Variants in PODXL observed in about 807,000 individuals in gnomAD.
The protein encoded by PODXL is podocalyxin like.
Under a neutral mutation model 48.9 loss-of-function variants are expected in PODXL, and 20 were observed. The observed-to-expected ratio is 0.41, with a 90% confidence interval of 0.29 to 0.59. The LOEUF (loss-of-function observed/expected upper bound fraction) is 0.59. PODXL is among the 20% of genes least tolerant of loss of function. The probability of loss-of-function intolerance (pLI) is 0.31; values close to 1 mark genes in which losing one functional copy is unlikely to be tolerated. For missense variants in PODXL, 606 were observed against 675.1 expected, an observed-to-expected ratio of 0.90 and a Z score of 1.13; for synonymous variants, 295 against 287.4, an observed-to-expected ratio of 1.03 and a Z score of -0.27.
intron 1 of PODXL, among the ~76,000 whole-genome samples, chr7:131,547,016 G>A (rs144253095): frequency 3.3e-4 from 50 of 152,330 alleles, no homozygotes; most frequent in Non-Finnish European, 4.4e-4. Flanking sequence ...CTAGCATGGC[G>A]TTGGGGGTGG....
chr7:131,546,702 G>T lies in PODXL; in HGVS notation c.100+9558C>A, dbSNP rs532375369. Among the ~76,000 whole-genome samples, 4 of 146,732 alleles carry T rather than the reference G, an allele frequency of 2.7e-5. No individual in the cohort carries two copies. The East Asian group carries it at 6.0e-4, about 22-fold the overall frequency. ...GATCGTGCCACTGCACTCCAGCCTG[G>T]GCAACACAGTGAGGCCCTGTCTCAA... On this transcript the variant is annotated intron_variant, in intron 1 of 8. Coordinates refer to ENST00000378555, the MANE Select transcript of PODXL (RefSeq NM_001018111.3).
chr7:131,524,517 G>T (rs746062662), intron 1 of PODXL, among the ~76,000 whole-genome samples: 9 of 152,066 alleles, frequency 5.9e-5, no homozygotes, highest in Non-Finnish European at 1.3e-4. Context: ...CATATGAAAA[G>T]ATGCTCCTCA....
In PODXL at chr7:131,504,167, A is replaced by C; in HGVS notation, c.*144T>G. On this transcript the variant is annotated 3_prime_UTR_variant, in exon 9 of 9. Transcript: ENST00000378555. ...TGATTTGTTCAGGTTGAAAAGGGAA[A>C]AATTAAGGCCCTGGGGGGATTGGGA... 1.5e-6 allele frequency: 1 copy of C among 646,194 alleles called. No homozygotes were observed. Among genetic ancestry groups the C allele is most frequent in the Non-Finnish European group, 2.7e-6 (1 of 374,390 alleles). The allele number at this position is 646,194 out of a possible 1,614,324, so 40.0% of individuals were successfully genotyped here.
intron 1 of PODXL, among the ~76,000 whole-genome samples, chr7:131,546,026 C>T (rs958120853): frequency 3.9e-5 from 6 of 152,244 alleles, no homozygotes; most frequent in South Asian, 2.1e-4. Flanking sequence ...TCCCACTTTT[C>T]GGCCTTGTGA....
chr7:131,506,385 T>G, intron 6 of PODXL, 64 bp from the exon 7 acceptor site: 1 of 1,556,678 alleles, frequency 6.4e-7, no homozygotes, highest in Non-Finnish European at 8.9e-7. Context: ...GGACGGGGAC[T>G]GCGCCCCAAG....
chr7:131,531,532 G>A (rs1188274349), intron 1 of PODXL, among the ~76,000 whole-genome samples: 2 of 152,036 alleles, frequency 1.3e-5, no homozygotes, highest in Non-Finnish European at 2.9e-5. Context: ...GTTTACCTAC[G>A]ACCGCCATAA....
intron 1 of PODXL, among the ~76,000 whole-genome samples, chr7:131,542,039 T>C (rs1447374478): frequency 6.6e-6 from 1 of 152,194 alleles, no homozygotes; most frequent in Non-Finnish European, 1.5e-5. Flanking sequence ...TGCGCACAGC[T>C]GTGAACTCAC....
chr7:131,550,637 G>A (rs1559022), intron 1 of PODXL, among the ~76,000 whole-genome samples: 129,204 of 150,980 alleles, frequency 0.86, 55,608 homozygotes, highest in Non-Finnish European at 0.89. Flanking sequence ...TTCCATCTCA[G>A]AACAAAAAGA....
rs112877944 is a variant in PODXL at position 131,510,772 on chromosome 7, T to C, written c.706+56A>G. On this transcript the variant is annotated intron_variant, in intron 2 of 8. Coordinates refer to ENST00000378555, the MANE Select transcript of PODXL (RefSeq NM_001018111.3). ...CAAGGCATGAGCCTTTTCAGAGCCA[T>C]CACGCCTGGCCCTGAAAAGTTTCTT... 111,992 of 1,603,176 alleles carry C rather than the reference T, an allele frequency of 0.07. 4,438 individuals are homozygous for C. The highest frequency in any genetic ancestry group is 0.077 in the Non-Finnish European group (90,743 of 1,171,198).
intron 1 of PODXL, among the ~76,000 whole-genome samples, chr7:131,516,193 T>C (rs981285069): frequency 2.6e-5 from 4 of 152,192 alleles, no homozygotes; most frequent in African/African-American, 9.7e-5. Context: ...AATGGAAACC[T>C]ACATTAAATA....
chr7:131,550,693 A>G (rs1387023729), intron 1 of PODXL, among the ~76,000 whole-genome samples: 5 of 152,180 alleles, frequency 3.3e-5, no homozygotes, highest in Non-Finnish European at 5.9e-5. Flanking sequence ...AGTTTTTCCA[A>G]TTCCCAGGAG....
At chr7:131,506,162 A>G (rs1236435845) in intron 7 of PODXL, 98 bp downstream of exon 7, 1 of 1,545,700 alleles carries the variant, frequency 6.5e-7, no homozygotes, top group Non-Finnish European at 8.9e-7. Context: ...ACATGCAGGC[A>G]CATGACGGGG....
Position 131,511,335 on chromosome 7 carries a change from G to T in PODXL, c.199C>A (p.Pro67Thr). The T allele has an allele frequency of 1.2e-6, 2 of 1,612,926 alleles. No individual in the cohort carries two copies. ...AAGATTTCGTTGGCCTTGGAAGTGG[G>T]GACTGTGCTCTGCTGGGCTGTATCT... is the stretch of plus-strand genomic sequence containing the variant. ...ATDTAQQSTV[P>T]TSKANEILAS... Residue 67 changes from proline (P) to threonine (T), a missense_variant, in exon 2 of 9, where the codon CCC (proline) becomes ACC (threonine). Pro to Thr is a conservative substitution (Grantham distance 38). Coordinates refer to ENST00000378555, the MANE Select transcript of PODXL (RefSeq NM_001018111.3).
At chr7:131,523,319 GC>G in intron 1 of PODXL, among the ~76,000 whole-genome samples, 1 of 152,212 alleles carries the variant, frequency 6.6e-6, no homozygotes, top group African/African-American at 2.4e-5. Flanking sequence ...ACCAAGTGAG[GC>G]TCATCATGGA....
intron 1 of PODXL, among the ~76,000 whole-genome samples, chr7:131,524,379 CAGAG>C (rs58163575): frequency 0.051 from 5,285 of 103,994 alleles, 257 homozygotes; most frequent in African/African-American, 0.12. Context: ...CACACACACA[CAGAG>C]AGAGAGAGAG....
intron 1 of PODXL, among the ~76,000 whole-genome samples, chr7:131,517,523 G>T (rs975883175): frequency 6.6e-6 from 1 of 152,226 alleles, no homozygotes; most frequent in East Asian, 1.9e-4. Flanking sequence ...CCATGGCTGC[G>T]TTAACAAATG....
chr7:131,507,963 T>G (rs1159807116), intron 5 of PODXL, among the ~76,000 whole-genome samples: 2 of 152,184 alleles, frequency 1.3e-5, no homozygotes, highest in Non-Finnish European at 2.9e-5. Context: ...AAATTCTCCA[T>G]CCTATCTATA....
chr7:131,556,464 G>A lies in PODXL; in HGVS notation c.-105C>T. 8.0e-7 allele frequency: 1 copy of A among 1,245,538 alleles called. No individual in the cohort carries two copies. Among genetic ancestry groups the A allele is most frequent in the Non-Finnish European group, 1.0e-6 (1 of 988,020 alleles). The allele number at this position is 1,245,538 out of a possible 1,614,324, so 77.2% of individuals were successfully genotyped here. A position where few individuals can be genotyped will look rare whatever the true frequency, so the allele number is the denominator to read the frequency against. On this transcript the variant is annotated 5_prime_UTR_variant, in exon 1 of 9. Coordinates refer to ENST00000378555, the MANE Select transcript of PODXL (RefSeq NM_001018111.3). ...GCGCCGCCCGGGGAGGCCTGTGGGT[G>A]GCTCCGGAGGCCAGGCTGTGGCCCG...
chr7:131,540,228 G>A (rs928957250), intron 1 of PODXL, among the ~76,000 whole-genome samples: 4 of 152,170 alleles, frequency 2.6e-5, no homozygotes, highest in Admixed American at 6.5e-5. Context: ...TGATTATTTT[G>A]TAGAGATACG....
Sources: gnomAD v4.1 joint callset for allele counts (sites outside exome capture counted in the v4.1 genomes callset) on GRCh38, gnomAD v4.1.1 for gene constraint, MANE v1.5 for transcripts, NCBI Gene and HGNC (gene_info 2026-07-23, HGNC 2026-07-21) for gene names.